Variants in VSIG1 observed in about 807,000 individuals in gnomAD.
VSIG1 encodes V-set and immunoglobulin domain containing 1, also known as V-set and immunoglobulin domain-containing protein 1.
Under a neutral mutation model 20.1 loss-of-function variants are expected in VSIG1, and 11 were observed. That is an observed-to-expected ratio of 0.55 (90% CI 0.34 to 0.91). The LOEUF is 0.91. Among genes scored for constraint, VSIG1 ranks in the 40% least tolerant of loss-of-function variants. The pLI is 0.02. For synonymous variants in VSIG1, 126 were observed against 116.7 expected (o/e 1.08, Z -0.52); for missense variants, 283 against 298.8 (o/e 0.95, Z 0.39).
intron 1 of VSIG1, among the ~76,000 whole-genome samples, chrX:108,047,945 TATATATATACACACAC>T (rs1689858442): frequency 2.4e-4 from 9 of 37,152 alleles, no homozygotes; most frequent in Non-Finnish European, 3.2e-4. Flanking sequence ...CACATATATA[TATATATATACACACAC>T]ATATATATAT....
At chrX:108,030,529 A>G in the VSIG1 span, among the ~76,000 whole-genome samples, 1 of 111,912 alleles carries the variant, frequency 8.9e-6, no homozygotes, top group Non-Finnish European at 1.9e-5. Flanking sequence ...CAAAACTGTT[A>G]AGGACCAAAA....
At chrX:108,031,206 G>A in the VSIG1 span, among the ~76,000 whole-genome samples, 4 of 112,182 alleles carry the variant, frequency 3.6e-5, no homozygotes. Flanking sequence ...CCTCATGAAG[G>A]AGGCTGCATC....
Position 108,076,210 on chromosome X carries a change from G to A in VSIG1, c.822G>A (p.Ala274=), listed in dbSNP as rs189278081. Residue 274 remains alanine (A), a synonymous_variant, in exon 6 of 7, where the codon GCG becomes GCA. Transcript: ENST00000217957. ...AAGAAAGAAATTCTAAGACCATCGCGGAACTTGAGTAAGCCTTCATTTTGT... is the reference window on the plus strand; with the variant it reads ...AAGAAAGAAATTCTAAGACCATCGCAGAACTTGAGTAAGCCTTCATTTTGT... The part of the protein sequence containing the change: ...KAKERNSKTI[A]ELEPMTKINP... 8.0e-5 allele frequency: 96 copies of A among 1,205,708 alleles called. No homozygotes were observed. The Admixed American group carries it at 1.7e-3, about 22-fold the overall frequency.
chrX:108,042,655 T>TG (rs1318729091), upstream of VSIG1, among the ~76,000 whole-genome samples: 4 of 110,976 alleles, frequency 3.6e-5, no homozygotes, highest in Admixed American at 9.6e-5. Context: ...ACTTCCAGGG[T>TG]GGGGGGCATT....
intron 2 of VSIG1, chrX:108,061,396 T>G: frequency 9.1e-7 from 1 of 1,101,925 alleles, no homozygotes; most frequent in South Asian, 2.0e-5. Flanking sequence ...AGCATTCAGC[T>G]CTCAGATCCA....
In VSIG1 at chrX:108,077,873, A is replaced by C. The variant is rs2031382844; in HGVS notation, c.*492A>C. 9.0e-6 allele frequency: 1 copy of C among 111,278 alleles called. No individual in the cohort carries two copies. The highest frequency in any genetic ancestry group is 1.9e-5 in the Non-Finnish European group (1 of 53,512). 9.2% of individuals were successfully genotyped at this position (111,278 alleles called of 1,213,427 possible). ...CAGGCACGTGCCACCACGCCCGGCT[A>C]ATTTTTTGTATTTTTAGTAGAGATG... On this transcript the variant is annotated 3_prime_UTR_variant, in exon 7 of 7. Coordinates refer to ENST00000217957, the MANE Select transcript of VSIG1 (RefSeq NM_182607.5).
rs1555980440 is a variant in VSIG1, at chrX:108,048,001, T to TATATATATATAC, written c.49+2823_49+2824insTATATATATACA. ...ATATATATATATATATATATATATA[T>TATATATATATAC]ACACATATATATATTCTTTTGAGAC... On this transcript the variant is annotated intron_variant, in intron 1 of 6. Coordinates refer to ENST00000217957, the MANE Select transcript of VSIG1 (RefSeq NM_182607.5). Among the ~76,000 whole-genome samples the TATATATATATAC allele has an allele frequency of 3.7e-4, 22 of 59,531 alleles. 2 individuals carry two copies. The highest frequency in any genetic ancestry group is 1.6e-3 in the African/African-American group (21 of 13,032). 51.7% of individuals were successfully genotyped at this position (59,531 alleles called of 115,157 possible).
At chrX:108,019,347 G>T in the VSIG1 span, among the ~76,000 whole-genome samples, 3 of 112,385 alleles carry the variant, frequency 2.7e-5, no homozygotes, top group Non-Finnish European at 3.8e-5. Flanking sequence ...GGTGGAGGTA[G>T]CCTGGCCAAA....
chrX:108,036,735 A>G, the VSIG1 span, among the ~76,000 whole-genome samples: 1 of 112,058 alleles, frequency 8.9e-6, no homozygotes, highest in Non-Finnish European at 1.9e-5. Context: ...CCCCTGCTTC[A>G]CAGCCTTACT....
At chrX:108,026,582 C>T in the VSIG1 span, among the ~76,000 whole-genome samples, 2 of 111,137 alleles carry the variant, frequency 1.8e-5, no homozygotes, top group South Asian at 7.6e-4. Context: ...TATGTTAGCC[C>T]TTTTATTCTT....
intron 1 of VSIG1, among the ~76,000 whole-genome samples, chrX:108,051,816 G>A (rs188345549): frequency 1.2e-3 from 130 of 111,815 alleles, no homozygotes; most frequent in Non-Finnish European, 7.0e-4. Flanking sequence ...TAAGAAAGAA[G>A]GAAATTCTGT....
At position 108,047,947 on chromosome X, in the gene VSIG1, T is replaced by TACACAC. The variant is rs1569287363; in HGVS notation, c.49+2769_49+2770insCACACA. Among the ~76,000 whole-genome samples, 156 of 34,222 alleles carry TACACAC rather than the reference T, an allele frequency of 4.6e-3. 7 individuals are homozygous for TACACAC. The highest frequency in any genetic ancestry group is 5.9e-3 in the Non-Finnish European group (133 of 22,596). 29.7% of individuals were successfully genotyped at this position (34,222 alleles called of 115,157 possible). A position where few individuals can be genotyped will look rare whatever the true frequency, so the allele number is the denominator to read the frequency against. ...ATATATATATATACACATATATATA[T>TACACAC]ATATATACACACACATATATATATA... On this transcript the variant is annotated intron_variant, in intron 1 of 6. Coordinates refer to ENST00000217957, the MANE Select transcript of VSIG1 (RefSeq NM_182607.5).
In VSIG1 at chrX:108,077,244, G is replaced by A. The variant is rs149547113; in HGVS notation, c.1027G>A (p.Asp343Asn). The A allele has an allele frequency of 3.2e-5, 39 of 1,210,311 alleles. No individual in the cohort carries two copies. The highest frequency in any genetic ancestry group is 4.2e-5 in the Non-Finnish European group (38 of 895,402). The change falls in exon 7 of 7, where the codon GAC becomes AAC. Residue 343 changes from aspartate to asparagine, a missense_variant. Coordinates refer to ENST00000217957, the MANE Select transcript of VSIG1 (RefSeq NM_182607.5). ...AGGATCAGAGCCTATGGCAGTGCCT[G>A]ACCTTGACATCGAGCTGGAGCTGGA... ...APGSEPMAVP[D>N]LDIELELEPE...
chrX:108,052,135 T>C lies in VSIG1; in HGVS notation c.50-5903T>C, dbSNP rs1311681563. ...AACTGCTAAAAGCATAAGATTTTAG[T>C]CTACACATTGGGTACAGTGTACACT... is the stretch of plus-strand genomic sequence containing the variant. On this transcript the variant is annotated intron_variant, in intron 1 of 6. Coordinates refer to ENST00000217957, the MANE Select transcript of VSIG1 (RefSeq NM_182607.5). Among the ~76,000 whole-genome samples the C allele has an allele frequency of 2.7e-5, 3 of 111,618 alleles. No individual in the cohort carries two copies. The East Asian group carries it at 8.4e-4, about 31-fold the overall frequency.
At chrX:108,030,664 C>T in the VSIG1 span, among the ~76,000 whole-genome samples, 2 of 112,121 alleles carry the variant, frequency 1.8e-5, no homozygotes, top group East Asian at 2.8e-4. Flanking sequence ...GGACAAGCAG[C>T]GGAGACTCCT....
chrX:108,040,752 G>T (rs1325507805), upstream of VSIG1, among the ~76,000 whole-genome samples: 1 of 112,066 alleles, frequency 8.9e-6, no homozygotes, highest in Non-Finnish European at 1.9e-5. Flanking sequence ...ATCTATAGAT[G>T]CAGCTGGACC....
chrX:108,045,604 G>A (rs1475310245), intron 1 of VSIG1, among the ~76,000 whole-genome samples: 1 of 112,352 alleles, frequency 8.9e-6, no homozygotes, highest in African/African-American at 3.2e-5. Context: ...GCTTACATAT[G>A]GGAAGAACAG....
intron 3 of VSIG1, among the ~76,000 whole-genome samples, chrX:108,067,780 G>C (rs763160157): frequency 8.9e-6 from 1 of 112,021 alleles, no homozygotes; most frequent in South Asian, 3.7e-4. Context: ...TTTGCCCTTG[G>C]GAAGCTCCCA....
upstream of VSIG1, among the ~76,000 whole-genome samples, chrX:108,041,532 T>C (rs1223674152): frequency 9.7e-6 from 1 of 102,947 alleles, no homozygotes; most frequent in East Asian, 2.9e-4. Flanking sequence ...AGTATTATCA[T>C]CTTTATGTTT....
Sources: allele counts gnomAD v4.1 joint callset (sites outside exome capture counted in the v4.1 genomes callset), GRCh38; gene constraint gnomAD v4.1.1; transcripts MANE v1.5; gene names NCBI Gene and HGNC (gene_info 2026-07-23, HGNC 2026-07-21).